The following ENTHD1 variants were observed in gnomAD, a reference collection of about 807,000 sequenced individuals.
The protein encoded by ENTHD1 is ENTH domain containing 1.
In ENTHD1, 23 loss-of-function variants were observed where a neutral mutation model predicts 39.1. The observed-to-expected ratio is 0.59, with a 90% CI of 0.42 to 0.83. The LOEUF (loss-of-function observed/expected upper bound fraction) is 0.83. Ranked by LOEUF, ENTHD1 falls within the 40% of genes least tolerant of loss-of-function variation. The probability of loss-of-function intolerance (pLI) is 0.00; values close to 1 mark genes in which losing one functional copy is unlikely to be tolerated. For missense variants in ENTHD1, 624 were observed against 705.4 expected (o/e 0.88, Z 1.31); for synonymous variants, 230 against 258.2 (o/e 0.89, Z 1.05).
chr22:39,853,850 C>T (rs556141547), intron 3 of ENTHD1, among the ~76,000 whole-genome samples: 2 of 152,316 alleles, frequency 1.3e-5, no homozygotes, highest in South Asian at 4.1e-4. Flanking sequence ...GCTGGGATTG[C>T]AGGCATGAGC....
chr22:39,881,961 G>A (rs746399444), intron 2 of ENTHD1, among the ~76,000 whole-genome samples: 13 of 152,124 alleles, frequency 8.5e-5, no homozygotes, highest in Non-Finnish European at 1.8e-4. Flanking sequence ...CATCTCTCTT[G>A]ATAACCTGTA....
At chr22:39,866,280 C>A (rs1017236770) in intron 2 of ENTHD1, among the ~76,000 whole-genome samples, 2 of 152,196 alleles carry the variant, frequency 1.3e-5, no homozygotes, top group Non-Finnish European at 2.9e-5. Context: ...CAAGGACATT[C>A]ATTTATGCAG....
At chr22:39,887,131 A>T (rs773118047) in intron 2 of ENTHD1, among the ~76,000 whole-genome samples, 6 of 151,852 alleles carry the variant, frequency 4.0e-5, no homozygotes, top group Non-Finnish European at 7.4e-5. Context: ...TTTAAGTACA[A>T]CTCTTCCCCA....
At chr22:39,758,754 C>T (rs188184121) in intron 6 of ENTHD1, among the ~76,000 whole-genome samples, 1 of 152,058 alleles carries the variant, frequency 6.6e-6, no homozygotes, top group Non-Finnish European at 1.5e-5. Flanking sequence ...AAAATATATA[C>T]CCTTTATCAG....
At chr22:39,884,119 AC>A (rs1320887664) in intron 2 of ENTHD1, among the ~76,000 whole-genome samples, 1 of 152,084 alleles carries the variant, frequency 6.6e-6, no homozygotes. Flanking sequence ...ATGACAATAT[AC>A]CCCAAATTGA....
At position 39,822,823 on chromosome 22, in the gene ENTHD1, C is replaced by T. The variant is rs539797456; in HGVS notation, c.712-1710G>A. ...AACCATTTTCCAAAGTGATTTGCCC[C>T]TTTTAAAAACTCAACTTTGAGCTCA... is the stretch of plus-strand genomic sequence containing the variant. On this transcript the variant is annotated intron_variant, in intron 4 of 6. Transcript: ENST00000325157. Among the ~76,000 whole-genome samples the T allele has an allele frequency of 2.0e-5, 3 of 152,226 alleles. No homozygotes were observed. In the East Asian group the frequency reaches 5.8e-4, roughly 29 times the overall value.
At chr22:39,790,959 T>C (rs1415725677) in intron 5 of ENTHD1, among the ~76,000 whole-genome samples, 1 of 152,006 alleles carries the variant, frequency 6.6e-6, no homozygotes, top group East Asian at 1.9e-4. Context: ...TCAAACTGTG[T>C]GAGTGGGTGG....
At chr22:39,869,160 C>T (rs564017612) in intron 2 of ENTHD1, among the ~76,000 whole-genome samples, 1 of 152,264 alleles carries the variant, frequency 6.6e-6, no homozygotes, top group African/African-American at 2.4e-5. Flanking sequence ...AATACACATG[C>T]ACTTGTATGT....
intron 6 of ENTHD1, among the ~76,000 whole-genome samples, chr22:39,758,499 G>A (rs757312098): frequency 9.9e-5 from 15 of 152,056 alleles, no homozygotes; most frequent in Non-Finnish European, 1.8e-4. Flanking sequence ...ATCATAGCTC[G>A]CTGCAGCCTC....
chr22:39,778,478 T>A (rs938688019), intron 5 of ENTHD1, among the ~76,000 whole-genome samples: 3 of 152,184 alleles, frequency 2.0e-5, no homozygotes, highest in African/African-American at 7.2e-5. Context: ...AAAAATCACG[T>A]CTAAGTCTGC....
chr22:39,821,931 C>T (rs77996251), intron 4 of ENTHD1, among the ~76,000 whole-genome samples: 10,922 of 152,184 alleles, frequency 0.072, 452 homozygotes, highest in South Asian at 0.13. Context: ...AGTCACCTCC[C>T]GAAGATCCCG....
At chr22:39,875,374 C>T (rs912876680) in intron 2 of ENTHD1, 60 of 1,407,552 alleles carry the variant, frequency 4.3e-5, no homozygotes, top group Non-Finnish European at 5.2e-5. Flanking sequence ...CGCTGCGGCC[C>T]TTGGTGCAGG....
intron 3 of ENTHD1, among the ~76,000 whole-genome samples, chr22:39,842,400 A>T (rs923351204): frequency 1.3e-5 from 2 of 151,690 alleles, no homozygotes; most frequent in African/African-American, 4.8e-5. Context: ...TGGTCTTTTC[A>T]CATAGTCCCA....
At chr22:39,799,202 A>G (rs2065577859) in intron 5 of ENTHD1, among the ~76,000 whole-genome samples, 1 of 152,134 alleles carries the variant, frequency 6.6e-6, no homozygotes, top group African/African-American at 2.4e-5. Context: ...TGTCCCTAGT[A>G]TGTGCACAAG....
intron 6 of ENTHD1, among the ~76,000 whole-genome samples, chr22:39,748,069 C>T (rs1049950933): frequency 6.6e-6 from 1 of 151,864 alleles, no homozygotes; most frequent in East Asian, 1.9e-4. Flanking sequence ...AGCAACATGG[C>T]GAAACCCCTT....
At chr22:39,749,547 C>T (rs974881901) in intron 6 of ENTHD1, among the ~76,000 whole-genome samples, 3 of 152,190 alleles carry the variant, frequency 2.0e-5, no homozygotes, top group Non-Finnish European at 4.4e-5. Context: ...CTCTTATGAG[C>T]TAGAGATATA....
chr22:39,875,995 C>T (rs1601662572), intron 2 of ENTHD1: 1 of 1,613,936 alleles, frequency 6.2e-7, no homozygotes, highest in East Asian at 2.2e-5. Context: ...GTGGTTATTA[C>T]TGCCCTTGCC....
At chr22:39,875,096 G>A (rs1345310279) in intron 2 of ENTHD1, among the ~76,000 whole-genome samples, 1 of 152,132 alleles carries the variant, frequency 6.6e-6, no homozygotes, top group Non-Finnish European at 1.5e-5. Context: ...GCAAAAGATG[G>A]ATAAACTGTG....
At chr22:39,893,567 T>C (rs2066446757) in intron 1 of ENTHD1, 128 bp downstream of exon 1, 1 of 152,290 alleles carries the variant, frequency 6.6e-6, no homozygotes, top group African/African-American at 2.4e-5. Context: ...CGGATGGTAA[T>C]GGCCTCGCCG....
Sources: allele counts gnomAD v4.1 joint callset (sites outside exome capture counted in the v4.1 genomes callset), GRCh38; gene constraint gnomAD v4.1.1; transcripts MANE v1.5; gene names NCBI Gene and HGNC (gene_info 2026-07-23, HGNC 2026-07-21).